Variants in ARHGAP6 observed in about 807,000 individuals in gnomAD.
ARHGAP6 encodes the protein Rho GTPase activating protein 6, also known as rho GTPase-activating protein 6.
Under a neutral mutation model 55.7 loss-of-function variants are expected in ARHGAP6, and 16 were observed. The observed-to-expected ratio is 0.29, with a 90% CI of 0.19 to 0.44. The LOEUF (loss-of-function observed/expected upper bound fraction) is 0.44, where lower values mean the gene tolerates loss of function less well. Among genes scored for constraint, ARHGAP6 ranks in the 20% least tolerant of loss-of-function variants. ARHGAP6 has a pLI of 1.00. For synonymous variants in ARHGAP6, 382 were observed against 360.9 expected (o/e 1.06, Z -0.66); for missense variants, 698 against 808.9 (o/e 0.86, Z 1.66).
intron 1 of ARHGAP6, among the ~76,000 whole-genome samples, chrX:11,411,533 C>A (rs1445817939): frequency 3.7e-5 from 4 of 108,871 alleles, no homozygotes; most frequent in African/African-American, 1.3e-4. Flanking sequence ...TTTAGAAAGT[C>A]GAGTTTCTTA....
intron 1 of ARHGAP6, among the ~76,000 whole-genome samples, chrX:11,432,591 T>C (rs1281147198): frequency 8.9e-6 from 1 of 112,406 alleles, no homozygotes; most frequent in Non-Finnish European, 1.9e-5. Flanking sequence ...CTGAACACAG[T>C]TTATATGAAG....
chrX:11,304,714 A>T (rs1219334436), intron 1 of ARHGAP6, among the ~76,000 whole-genome samples: 3 of 93,039 alleles, frequency 3.2e-5, no homozygotes, highest in African/African-American at 1.3e-4. Context: ...TTCCCTTGTC[A>T]CTCTGGCATT....
chrX:11,454,272 T>G (rs2050175276), intron 1 of ARHGAP6, among the ~76,000 whole-genome samples: 1 of 110,482 alleles, frequency 9.1e-6, no homozygotes, highest in Non-Finnish European at 1.9e-5. Context: ...AAGCTGTTTC[T>G]TAAAGGATCA....
intron 1 of ARHGAP6, among the ~76,000 whole-genome samples, chrX:11,408,328 T>C (rs1420223696): frequency 9.0e-6 from 1 of 111,258 alleles, no homozygotes; most frequent in Non-Finnish European, 1.9e-5. Context: ...TGTATAAGCC[T>C]CACGGGTGAA....
chrX:11,502,288 T>C (rs1288523770), intron 1 of ARHGAP6, among the ~76,000 whole-genome samples: 1 of 112,431 alleles, frequency 8.9e-6, no homozygotes, highest in Non-Finnish European at 1.9e-5. Flanking sequence ...AATTAATCTA[T>C]GGAGTTACAA....
At chrX:11,365,166 C>T (rs1569316550) in intron 1 of ARHGAP6, among the ~76,000 whole-genome samples, 1 of 112,173 alleles carries the variant, frequency 8.9e-6, no homozygotes, top group Non-Finnish European at 1.9e-5. Context: ...ATGTCTGAAA[C>T]TGATGCAGCC....
intron 1 of ARHGAP6, among the ~76,000 whole-genome samples, chrX:11,425,600 A>G (rs1025337850): frequency 2.7e-5 from 3 of 111,845 alleles, no homozygotes; most frequent in Non-Finnish European, 3.8e-5. Context: ...CAGAATATAC[A>G]TACATGATAA....
chrX:11,590,988 C>T (rs1430330638), intron 1 of ARHGAP6, among the ~76,000 whole-genome samples: 1 of 107,750 alleles, frequency 9.3e-6, no homozygotes, highest in African/African-American at 3.4e-5. Context: ...CAGTGGCTCA[C>T]GCCTGTAATC....
At chrX:11,513,319 T>C (rs992160475) in intron 1 of ARHGAP6, among the ~76,000 whole-genome samples, 1 of 112,057 alleles carries the variant, frequency 8.9e-6, no homozygotes, top group African/African-American at 3.2e-5. Flanking sequence ...GATTTTGTTC[T>C]TTCCTACTTT....
At chrX:11,172,974 C>T (rs2046115851) in intron 8 of ARHGAP6, among the ~76,000 whole-genome samples, 1 of 111,587 alleles carries the variant, frequency 9.0e-6, no homozygotes, top group African/African-American at 3.3e-5. Context: ...TGTACAGGTA[C>T]CAGGCTAGGG....
At chrX:11,318,285 T>G (rs960893685) in intron 1 of ARHGAP6, among the ~76,000 whole-genome samples, 3 of 112,177 alleles carry the variant, frequency 2.7e-5, no homozygotes, top group Non-Finnish European at 5.6e-5. Context: ...ATACAATCAA[T>G]TTATTTTACT....
At chrX:11,468,948 T>C (rs1178054057) in intron 1 of ARHGAP6, among the ~76,000 whole-genome samples, 1 of 112,436 alleles carries the variant, frequency 8.9e-6, no homozygotes, top group East Asian at 2.8e-4. Context: ...TCATGTCTTA[T>C]AAAGACACTA....
chrX:11,493,161 A>G (rs190234765), intron 1 of ARHGAP6, among the ~76,000 whole-genome samples: 1 of 112,426 alleles, frequency 8.9e-6, no homozygotes, highest in East Asian at 2.8e-4. Context: ...ATCCTAACTT[A>G]TATGCACATT....
intron 10 of ARHGAP6, among the ~76,000 whole-genome samples, chrX:11,154,394 C>T (rs746663728): frequency 7.1e-5 from 8 of 112,281 alleles, no homozygotes; most frequent in Non-Finnish European, 1.5e-4. Flanking sequence ...AATATGTGTG[C>T]TTCTTCCTTT....
intron 1 of ARHGAP6, among the ~76,000 whole-genome samples, chrX:11,556,226 C>T (rs1477463202): frequency 8.9e-6 from 1 of 111,966 alleles, no homozygotes; most frequent in African/African-American, 3.3e-5. Flanking sequence ...TTATCATCCT[C>T]CTCAAAATGC....
At chrX:11,572,446 T>C (rs948628769) in intron 1 of ARHGAP6, among the ~76,000 whole-genome samples, 1 of 110,908 alleles carries the variant, frequency 9.0e-6, no homozygotes, top group African/African-American at 3.3e-5. Flanking sequence ...GTGTTTGGTT[T>C]TTTGTTCTTG....
intron 1 of ARHGAP6, among the ~76,000 whole-genome samples, chrX:11,471,870 G>A (rs1163501047): frequency 9.0e-6 from 1 of 111,034 alleles, no homozygotes; most frequent in Non-Finnish European, 1.9e-5. Flanking sequence ...CATGTCCCCA[G>A]GCTCAAAAAG....
At chrX:11,387,264 C>G (rs1257181480) in intron 1 of ARHGAP6, among the ~76,000 whole-genome samples, 1 of 111,556 alleles carries the variant, frequency 9.0e-6, no homozygotes, top group African/African-American at 3.3e-5. Flanking sequence ...TACCTATGCA[C>G]CACCCTCGAC....
chrX:11,380,838 C>T (rs1490826323), intron 1 of ARHGAP6, among the ~76,000 whole-genome samples: 3 of 112,154 alleles, frequency 2.7e-5, no homozygotes, highest in Admixed American at 1.9e-4. Context: ...AGCACCTCTC[C>T]AGGTATGACA....
Sources: allele counts gnomAD v4.1 joint callset (sites outside exome capture counted in the v4.1 genomes callset), GRCh38; gene constraint gnomAD v4.1.1; transcripts MANE v1.5; gene names NCBI Gene and HGNC (gene_info 2026-07-23, HGNC 2026-07-21).